Variants in MARCHF7 observed in about 807,000 individuals in gnomAD.
MARCHF7 encodes the protein E3 ubiquitin-protein ligase MARCHF7.
MARCHF7 carries 20 observed loss-of-function variants against 76.5 expected under a neutral mutation model. The ratio of observed to expected loss-of-function variants is 0.26; its 90% confidence interval spans 0.18 to 0.38. MARCHF7 has a LOEUF of 0.38. Ranked by LOEUF, MARCHF7 falls within the 10% of genes least tolerant of loss-of-function variation. MARCHF7 has a pLI of 1.00. For missense variants in MARCHF7, 797 were observed against 812.9 expected (o/e 0.98, Z 0.24); for synonymous variants, 295 against 293.0 (o/e 1.01, Z -0.07).
chr2:159,767,300 C>T lies in MARCHF7; in HGVS notation c.2073C>T (p.Ser691=), dbSNP rs777256727. The change falls in exon 12 of 12, where the codon TCC becomes TCT. Residue 691 remains serine, a synonymous_variant. Transcript: ENST00000409175. ...TTTCAACAGCTTCAGAGGATGATTC[C>T]GAAGAAGACGGAGACCATAACAGGA... ...MEDLETSEDD[S]EEDGDHNRTF... is the part of the protein sequence containing the mutation. 7.5e-6 allele frequency: 12 copies of T among 1,610,304 alleles called. No homozygotes were observed. Among genetic ancestry groups the T allele is most frequent in the Middle Eastern group, 1.6e-4 (1 of 6,080 alleles).
intron 9 of MARCHF7, among the ~76,000 whole-genome samples, 159 bp from the exon 10 acceptor site, chr2:159,762,721 A>G (rs1560029232): frequency 6.6e-6 from 1 of 152,188 alleles, no homozygotes; most frequent in African/African-American, 2.4e-5. Context: ...TTATAAAGAT[A>G]TTCTTTTTTT....
chr2:159,743,014 A>G (rs1487464303), intron 4 of MARCHF7, 47 bp from the exon 5 acceptor site: 4 of 1,511,776 alleles, frequency 2.6e-6, no homozygotes, highest in Non-Finnish European at 3.6e-6. Context: ...TAAATTTAGT[A>G]CTGAATGCAG....
intron 4 of MARCHF7, chr2:159,733,608 A>G: frequency 1.0e-6 from 1 of 985,160 alleles, no homozygotes; most frequent in East Asian, 1.1e-4. Flanking sequence ...GAGACATAAA[A>G]CTTCTGTTAT....
chr2:159,750,776 T>C (rs1705546002), intron 7 of MARCHF7, among the ~76,000 whole-genome samples: 1 of 144,510 alleles, frequency 6.9e-6, no homozygotes, highest in Non-Finnish European at 1.6e-5. Context: ...AAAAGACTTA[T>C]ATAAAGTTAA....
chr2:159,752,276 T>A, intron 7 of MARCHF7, 126 bp from the exon 8 acceptor site: 1 of 708,320 alleles, frequency 1.4e-6, no homozygotes, highest in Non-Finnish European at 2.1e-6. Context: ...TGTTACTGTT[T>A]GCTTTTTTCC....
intron 8 of MARCHF7, among the ~76,000 whole-genome samples, chr2:159,753,439 C>T (rs1276609316): frequency 1.3e-5 from 2 of 151,832 alleles, no homozygotes; most frequent in Non-Finnish European, 2.9e-5. Context: ...AACCTGGTGG[C>T]GGGCGCCTGT....
rs749705658 is a variant in MARCHF7, at chr2:159,747,911, T to C, written c.621T>C (p.Ser207=). ...NTSSTNHQLP[S]EHQTILSSRD... The stretch of plus-strand genomic sequence containing the variant: ...CATCCACAAACCACCAATTGCCTTC[T>C]GAACATCAGACCATACTAAGTTCTA... Residue 207 remains serine, a synonymous_variant, in exon 7 of 12, where the codon TCT becomes TCC. Coordinates refer to ENST00000409175, the MANE Select transcript of MARCHF7 (RefSeq NM_001282805.2). 3.7e-6 allele frequency: 6 copies of C among 1,614,180 alleles called. No homozygotes were observed. The South Asian group carries it at 5.5e-5, about 15-fold the overall frequency.
intron 3 of MARCHF7, among the ~76,000 whole-genome samples, chr2:159,726,318 A>G (rs1702168816): frequency 6.6e-6 from 1 of 152,046 alleles, no homozygotes; most frequent in South Asian, 2.1e-4. Context: ...GCCAGAGTGC[A>G]GTGGCACGAT....
chr2:159,750,051 A>G (rs1705434518), intron 7 of MARCHF7, among the ~76,000 whole-genome samples: 1 of 152,226 alleles, frequency 6.6e-6, no homozygotes, highest in Admixed American at 6.5e-5. Context: ...TTGAAGTCCA[A>G]GTATATACTG....
At chr2:159,717,532 C>G (rs916548970) in intron 3 of MARCHF7, among the ~76,000 whole-genome samples, 1 of 152,150 alleles carries the variant, frequency 6.6e-6, no homozygotes, top group Non-Finnish European at 1.5e-5. Context: ...TTAAGTCATA[C>G]TCAGGTAATC....
chr2:159,741,806 CTTTTA>C (rs1277924425), intron 4 of MARCHF7, among the ~76,000 whole-genome samples: 1 of 152,082 alleles, frequency 6.6e-6, no homozygotes, highest in African/African-American at 2.4e-5. Context: ...AATTATTTTT[CTTTTA>C]TATCCTGAAA....
At chr2:159,733,911 T>C in intron 4 of MARCHF7, 1 of 1,217,714 alleles carries the variant, frequency 8.2e-7, no homozygotes, top group Non-Finnish European at 1.0e-6. Flanking sequence ...TGGGAAAATG[T>C]AGATTCTAAG....
At chr2:159,728,504 T>C (rs1478999109) in intron 3 of MARCHF7, among the ~76,000 whole-genome samples, 1 of 152,202 alleles carries the variant, frequency 6.6e-6, no homozygotes, top group Admixed American at 6.5e-5. Context: ...CAAAAGTATG[T>C]ATGAAGTAGA....
At chr2:159,745,459 A>T (rs1464384204) in intron 5 of MARCHF7, among the ~76,000 whole-genome samples, 1 of 152,182 alleles carries the variant, frequency 6.6e-6, no homozygotes, top group Non-Finnish European at 1.5e-5. Context: ...GTTTGAGACC[A>T]GCCTGGCCGA....
rs558625256 is a variant in MARCHF7, at chr2:159,760,598, TA to T, written c.1893+1266del. The stretch of plus-strand genomic sequence containing the variant: ...AAGTGGAATCATGGAGAGATAAATA[TA>T]AATACATAACTTGTCTTCTCAAAAT... On this transcript the variant is annotated intron_variant, in intron 9 of 11. Coordinates refer to ENST00000409175, the MANE Select transcript of MARCHF7 (RefSeq NM_001282805.2). Among the ~76,000 whole-genome samples the T allele has an allele frequency of 1.4e-4, 22 of 152,232 alleles. No homozygotes were observed. The East Asian group carries it at 4.2e-3, about 29-fold the overall frequency.
intron 4 of MARCHF7, chr2:159,733,976 C>T (rs1005183199): frequency 6.8e-5 from 88 of 1,302,562 alleles, no homozygotes; most frequent in South Asian, 4.3e-4. Context: ...TTGTAAGCTG[C>T]GCTTCACCTG....
chr2:159,746,029 T>G, intron 6 of MARCHF7, 92 bp downstream of exon 6: 3 of 969,876 alleles, frequency 3.1e-6, no homozygotes, highest in Non-Finnish European at 4.5e-6. Context: ...AGGAGTAAAG[T>G]GTATATTTTG....
intron 4 of MARCHF7, among the ~76,000 whole-genome samples, chr2:159,737,862 A>G (rs1703647854): frequency 6.6e-6 from 1 of 152,216 alleles, no homozygotes; most frequent in African/African-American, 2.4e-5. Flanking sequence ...TACATAGTTG[A>G]TGGGACTGTA....
At chr2:159,723,136 C>T (rs1393536988) in intron 3 of MARCHF7, among the ~76,000 whole-genome samples, 1 of 152,196 alleles carries the variant, frequency 6.6e-6, no homozygotes, top group Non-Finnish European at 1.5e-5. Context: ...TTAAATTGTT[C>T]ATGGGCTTTT....
Sources: allele counts gnomAD v4.1 joint callset (sites outside exome capture counted in the v4.1 genomes callset), GRCh38; gene constraint gnomAD v4.1.1; transcripts MANE v1.5; gene names NCBI Gene and HGNC (gene_info 2026-07-23, HGNC 2026-07-21).